LRRC7: variants seen among roughly 807,000 people sequenced by gnomAD.
LRRC7 encodes leucine rich repeat containing 7.
In LRRC7, 23 loss-of-function variants were observed where a neutral mutation model predicts 175.7. The observed-to-expected ratio is 0.13, with a 90% CI of 0.09 to 0.19. The LOEUF (loss-of-function observed/expected upper bound fraction) is 0.19, where lower values mean the gene tolerates loss of function less well. Ranked by LOEUF, LRRC7 falls within the 10% of genes least tolerant of loss-of-function variation. The pLI is 1.00. For synonymous variants in LRRC7, 685 were observed against 680.9 expected, an observed-to-expected ratio of 1.01 and a Z score of -0.09; for missense variants, 1,354 against 1,904.7, an observed-to-expected ratio of 0.71 and a Z score of 5.38.
intron 17 of LRRC7, among the ~76,000 whole-genome samples, chr1:70,025,678 AG>A (rs1658013859): frequency 6.6e-6 from 1 of 152,116 alleles, no homozygotes; most frequent in Non-Finnish European, 1.5e-5. Flanking sequence ...AGTGGATGAT[AG>A]CTAGTTGGGA....
chr1:69,924,524 A>G (rs375226814), intron 7 of LRRC7, among the ~76,000 whole-genome samples: 3 of 152,122 alleles, frequency 2.0e-5, no homozygotes, highest in Non-Finnish European at 4.4e-5. Context: ...CGTCCCTTGT[A>G]AGTTGGATTC....
intron 4 of LRRC7, among the ~76,000 whole-genome samples, chr1:69,809,079 T>C (rs1366959101): frequency 6.6e-6 from 1 of 151,970 alleles, no homozygotes; most frequent in African/African-American, 2.4e-5. Context: ...CAATAAAAAA[T>C]GGTAAAGGGG....
Position 70,038,278 on chromosome 1 carries a change from T to C in LRRC7, c.2454T>C (p.Val818=). 6.2e-7 allele frequency: 1 copy of C among 1,614,182 alleles called. No homozygotes were observed. The highest frequency in any genetic ancestry group is 8.5e-7 in the Non-Finnish European group (1 of 1,180,018). Residue 818 remains valine (V), a synonymous_variant, in exon 21 of 27, where the codon GTT becomes GTC. Coordinates refer to ENST00000651989, the MANE Select transcript of LRRC7 (RefSeq NM_001370785.2). ...DGSHYDNTGF[V]AEETTAENAN... ...CGCATTATGACAACACAGGGTTTGTTGCTGAGGAAACCACAGCCGAGAATG... is the reference window on the plus strand; with the variant it reads ...CGCATTATGACAACACAGGGTTTGTCGCTGAGGAAACCACAGCCGAGAATG...
intron 24 of LRRC7, among the ~76,000 whole-genome samples, chr1:70,078,022 G>A (rs1662911349): frequency 6.6e-6 from 1 of 152,072 alleles, no homozygotes; most frequent in Non-Finnish European, 1.5e-5. Flanking sequence ...TTGGTTTCAG[G>A]CTGAAATGGT....
At chr1:69,676,634 C>T (rs1380359639) in intron 1 of LRRC7, among the ~76,000 whole-genome samples, 3 of 152,062 alleles carry the variant, frequency 2.0e-5, no homozygotes, top group Non-Finnish European at 4.4e-5. Flanking sequence ...GTCAGCATCG[C>T]CGTGTAACTA....
chr1:69,640,720 G>T (rs895919904), intron 1 of LRRC7, among the ~76,000 whole-genome samples: 37 of 151,090 alleles, frequency 2.4e-4, no homozygotes, highest in African/African-American at 8.5e-4. Context: ...ATCACAAATA[G>T]TTCCATTGTC....
At position 69,720,802 on chromosome 1, in the gene LRRC7, TTGTTTAAATAA is replaced by T. The variant is rs1159671312; in HGVS notation, c.101-39378_101-39368del. Among the ~76,000 whole-genome samples the T allele has an allele frequency of 3.1e-4, 47 of 151,940 alleles. 2 individuals carry two copies. The highest frequency in any genetic ancestry group is 1.1e-3 in the African/African-American group (47 of 41,552). ...GCTCCTTTGATGCTTATTGGTTTTA[TTGTTTAAATAA>T]TGTTTAAATATTTTTAAATATTTTT... On this transcript the variant is annotated intron_variant, in intron 2 of 26. Transcript: ENST00000651989.
chr1:70,105,318 C>T (rs1355572867), intron 25 of LRRC7, among the ~76,000 whole-genome samples: 1 of 152,062 alleles, frequency 6.6e-6, no homozygotes, highest in Non-Finnish European at 1.5e-5. Context: ...CTGAGTGCCA[C>T]CATTAACCCA....
chr1:69,892,648 A>C (rs1245764710), intron 7 of LRRC7, among the ~76,000 whole-genome samples: 1 of 152,166 alleles, frequency 6.6e-6, no homozygotes, highest in African/African-American at 2.4e-5. Context: ...TGAGAGGTAG[A>C]TACTATTTAT....
intron 3 of LRRC7, among the ~76,000 whole-genome samples, chr1:69,761,552 T>A (rs568307235): frequency 5.9e-5 from 9 of 152,170 alleles, no homozygotes; most frequent in Non-Finnish European, 8.8e-5. Context: ...ATCTGTGTAT[T>A]GTGTCATCTG....
intron 3 of LRRC7, among the ~76,000 whole-genome samples, chr1:69,767,826 A>G (rs145222369): frequency 1.1e-3 from 165 of 152,292 alleles, no homozygotes; most frequent in African/African-American, 3.8e-3. Context: ...ATGCAGTGAA[A>G]ATGAAGGTAA....
At chr1:69,934,337 T>C (rs1226629939) in intron 8 of LRRC7, among the ~76,000 whole-genome samples, 1 of 152,134 alleles carries the variant, frequency 6.6e-6, no homozygotes, top group African/African-American at 2.4e-5. Flanking sequence ...AGAAGCAATG[T>C]AAATGTCCCA....
At position 69,767,655 on chromosome 1, in the gene LRRC7, G is replaced by C. The variant is rs139514169; in HGVS notation, c.303+7262G>C. The stretch of plus-strand genomic sequence containing the variant: ...ATAGAGAAGTGGTACTATGTTCTTC[G>C]TTATGTATATTGTACAAGCTGTTCT... On this transcript the variant is annotated intron_variant, in intron 3 of 26. Transcript: ENST00000651989. 4.5e-4 allele frequency among the ~76,000 whole-genome samples: 69 copies of C among 152,046 alleles called. No homozygotes were observed. In the East Asian group the frequency reaches 8.5e-3, roughly 19 times the overall value.
At chr1:69,749,125 G>A (rs1337584299) in intron 2 of LRRC7, among the ~76,000 whole-genome samples, 1 of 152,102 alleles carries the variant, frequency 6.6e-6, no homozygotes, top group East Asian at 1.9e-4. Flanking sequence ...ATGTATATTT[G>A]CATATTTAAA....
intron 24 of LRRC7, among the ~76,000 whole-genome samples, chr1:70,086,514 C>A (rs1346509537): frequency 6.6e-6 from 1 of 152,018 alleles, no homozygotes; most frequent in African/African-American, 2.4e-5. Context: ...CGTGGTGGCT[C>A]ACGACTATAA....
chr1:69,927,619 A>C (rs894073800), intron 7 of LRRC7, among the ~76,000 whole-genome samples: 2 of 152,082 alleles, frequency 1.3e-5, no homozygotes, highest in South Asian at 4.1e-4. Context: ...AGGCTTCTGC[A>C]TTCTTCACGT....
intron 7 of LRRC7, among the ~76,000 whole-genome samples, chr1:69,851,561 C>G (rs1682986235): frequency 6.6e-6 from 1 of 152,124 alleles, no homozygotes; most frequent in Non-Finnish European, 1.5e-5. Flanking sequence ...CATGGAAACA[C>G]TGGTGGCCCG....
intron 1 of LRRC7, among the ~76,000 whole-genome samples, chr1:69,587,272 T>C (rs1230199750): frequency 1.3e-5 from 2 of 152,158 alleles, no homozygotes; most frequent in Non-Finnish European, 2.9e-5. Flanking sequence ...AATTTCTAAA[T>C]AGTTTTCATT....
intron 4 of LRRC7, among the ~76,000 whole-genome samples, chr1:69,814,931 T>C (rs1009781069): frequency 6.6e-5 from 10 of 152,324 alleles, no homozygotes; most frequent in African/African-American, 2.4e-4. Context: ...GTTTGTTTTG[T>C]TGATTTTATT....
Sources: gnomAD v4.1 joint callset for allele counts (sites outside exome capture counted in the v4.1 genomes callset) on GRCh38, gnomAD v4.1.1 for gene constraint, MANE v1.5 for transcripts, NCBI Gene and HGNC (gene_info 2026-07-23, HGNC 2026-07-21) for gene names.